ENTPD6: variants seen among roughly 807,000 people sequenced by gnomAD.
The protein encoded by ENTPD6 is CD39 antigen-like 2.
ENTPD6 carries 46 observed loss-of-function variants against 61.5 expected under a neutral mutation model. The ratio of observed to expected loss-of-function variants is 0.75; its 90% CI spans 0.59 to 0.96. The LOEUF is 0.96. Ranked by LOEUF, ENTPD6 falls within the 40% of genes least tolerant of loss-of-function variation. ENTPD6 has a pLI of 0.00. For synonymous variants in ENTPD6, 252 were observed against 255.5 expected (o/e 0.99, Z 0.13); for missense variants, 612 against 629.0 (o/e 0.97, Z 0.29).
chr20:25,216,923 G>A (rs1212567949), intron 8 of ENTPD6, among the ~76,000 whole-genome samples, 187 bp downstream of exon 8: 2 of 152,170 alleles, frequency 1.3e-5, no homozygotes, highest in African/African-American at 2.4e-5. Context: ...TTCTGGCTTG[G>A]AGTTTTAATT....
chr20:25,197,374 T>G, intron 1 of ENTPD6: 1 of 373,184 alleles, frequency 2.7e-6, no homozygotes, highest in Non-Finnish European at 3.7e-6. Context: ...CCTCTCTGTT[T>G]GCCTGTGTGC....
At chr20:25,220,771 C>T (rs1358720026) in intron 10 of ENTPD6, among the ~76,000 whole-genome samples, 2 of 152,270 alleles carry the variant, frequency 1.3e-5, no homozygotes, top group Non-Finnish European at 2.9e-5. Context: ...GGGGCCAGCC[C>T]TGGGACCAAT....
chr20:25,209,874 C>T lies in ENTPD6; in HGVS notation c.402C>T (p.Thr134=), dbSNP rs112981620. ...AAACTCCCACGTTAACCCACGAAAC[C>T]TTCAAAGCACTGAAGCCAGGTCTTT... ...PRETPTLTHE[T]FKALKPGLSA... Residue 134 remains threonine (T), a synonymous_variant, in exon 4 of 15, where the codon ACC becomes ACT. Coordinates refer to ENST00000376652, the MANE Select transcript of ENTPD6 (RefSeq NM_001247.5). 5.6e-6 allele frequency: 9 copies of T among 1,614,188 alleles called. No homozygotes were observed. In the African/African-American group the frequency reaches 6.7e-5, roughly 12 times the overall value.
chr20:25,201,802 A>G (rs2091052032), intron 1 of ENTPD6, among the ~76,000 whole-genome samples: 1 of 152,162 alleles, frequency 6.6e-6, no homozygotes, highest in Non-Finnish European at 1.5e-5. Flanking sequence ...TGCAGCCTTG[A>G]ACTCCAAGGC....
chr20:25,217,603 T>A (rs955100938), intron 9 of ENTPD6, 22 bp downstream of exon 9: 1 of 1,610,132 alleles, frequency 6.2e-7, no homozygotes, highest in African/African-American at 1.3e-5. Flanking sequence ...GGAACAGGCG[T>A]GGGGAGGCGC....
At position 25,226,992 on chromosome 20, in the gene ENTPD6, C is replaced by T. The variant is rs958983861; in HGVS notation, c.*1395C>T. On this transcript the variant is annotated 3_prime_UTR_variant, in exon 15 of 15. Transcript: ENST00000376652. ...ACAGCACGGCCAGGTGAGGCCTGGG[C>T]ACATAACCTCGAGTGAGCTGCAAGT... is the stretch of plus-strand genomic sequence containing the variant. Among the ~76,000 whole-genome samples the T allele has an allele frequency of 6.6e-6, 1 of 152,248 alleles. No homozygotes were observed. The highest frequency in any genetic ancestry group is 1.5e-5 in the Non-Finnish European group (1 of 68,040).
chr20:25,210,262 G>T (rs893271152), intron 4 of ENTPD6, among the ~76,000 whole-genome samples: 1 of 152,106 alleles, frequency 6.6e-6, no homozygotes, highest in African/African-American at 2.4e-5. Context: ...AAATTTTTAC[G>T]CTAATTTAGT....
intron 7 of ENTPD6, 70 bp downstream of exon 7, chr20:25,215,781 G>T (rs534328527): frequency 1.4e-6 from 2 of 1,460,942 alleles, no homozygotes; most frequent in South Asian, 2.3e-5. Flanking sequence ...TGGGCCTTTC[G>T]AGAGCAGGAG....
intron 1 of ENTPD6, among the ~76,000 whole-genome samples, chr20:25,197,893 G>A (rs1289405147): frequency 6.6e-6 from 1 of 152,120 alleles, no homozygotes; most frequent in Non-Finnish European, 1.5e-5. Flanking sequence ...GATAAAGCAC[G>A]TTCAATTTGG....
At chr20:25,204,540 A>G (rs1282519741) in intron 1 of ENTPD6, among the ~76,000 whole-genome samples, 1 of 151,886 alleles carries the variant, frequency 6.6e-6, no homozygotes, top group Non-Finnish European at 1.5e-5. Context: ...CAGATGTTCT[A>G]CTGTATTTCT....
chr20:25,216,905 G>A (rs2092349971), intron 8 of ENTPD6, among the ~76,000 whole-genome samples, 169 bp downstream of exon 8: 1 of 152,230 alleles, frequency 6.6e-6, no homozygotes, highest in South Asian at 2.1e-4. Flanking sequence ...CTCACTCACA[G>A]ATGATGCTTC....
chr20:25,203,104 C>G (rs141076616), intron 1 of ENTPD6, among the ~76,000 whole-genome samples: 2 of 152,226 alleles, frequency 1.3e-5, no homozygotes, highest in East Asian at 3.9e-4. Context: ...GGGTATCTTC[C>G]CACTGCCTCT....
At position 25,222,830 on chromosome 20, in the gene ENTPD6, G is replaced by A. The variant is rs201264035; in HGVS notation, c.1046-8G>A. On this transcript the variant is annotated splice_polypyrimidine_tract_variant and splice_region_variant and intron_variant, in intron 11 of 14. Transcript: ENST00000376652. ...CCCACTGACCGCTAGCCTTGTGCTTGTCCCCAGCGGCAAGCCTGCACGAGC... is the reference window on the plus strand; with the variant it reads ...CCCACTGACCGCTAGCCTTGTGCTTATCCCCAGCGGCAAGCCTGCACGAGC... The A allele has an allele frequency of 4.3e-6, 7 of 1,613,428 alleles. No homozygotes were observed. In the East Asian group the frequency reaches 1.6e-4, roughly 36 times the overall value.
At position 25,207,213 on chromosome 20, in the gene ENTPD6, G is replaced by A. The variant is rs1045210152; in HGVS notation, c.192G>A (p.Arg64=). The A allele has an allele frequency of 1.2e-6, 2 of 1,613,992 alleles. No individual in the cohort carries two copies. The highest frequency in any genetic ancestry group is 2.7e-5 in the African/African-American group (2 of 74,918). Residue 64 remains arginine (R), a synonymous_variant, in exon 3 of 15, where the codon CGG becomes CGA. Coordinates refer to ENST00000376652, the MANE Select transcript of ENTPD6 (RefSeq NM_001247.5). ...ATGTTGCCTACATCAAGTGGCACCGGGCCACCGCCACCCAGGCCTTCTTCA... is the reference window on the plus strand; with the variant it reads ...ATGTTGCCTACATCAAGTGGCACCGAGCCACCGCCACCCAGGCCTTCTTCA... ...FIYVAYIKWH[R]ATATQAFFSI...
At position 25,216,748 on chromosome 20, in the gene ENTPD6, T is replaced by A. The variant is rs2092337768; in HGVS notation, c.798+12T>A. The A allele has an allele frequency of 6.7e-7, 1 of 1,496,038 alleles. No homozygotes were observed. The highest frequency in any genetic ancestry group is 1.4e-5 in the African/African-American group (1 of 71,244). 92.7% of individuals were successfully genotyped at this position (1,496,038 alleles called of 1,614,324 possible). A position where few individuals can be genotyped will look rare whatever the true frequency, so the allele number is the denominator to read the frequency against. ...TGCCACGCGTGGAGGTAACAAGCCC[T>A]GCCGACCACAGCGCTCTTTCCACCC... On this transcript the variant is annotated intron_variant, in intron 8 of 14. Transcript: ENST00000376652.
At chr20:25,205,812 G>T (rs1365501274) in intron 1 of ENTPD6, among the ~76,000 whole-genome samples, 3 of 152,204 alleles carry the variant, frequency 2.0e-5, no homozygotes, top group Non-Finnish European at 4.4e-5. Context: ...AGGATATCCA[G>T]CTGTGGCCAC....
intron 11 of ENTPD6, chr20:25,221,851 C>T (rs540719746): frequency 2.3e-5 from 5 of 213,282 alleles, no homozygotes; most frequent in South Asian, 1.5e-4. Flanking sequence ...CTTCGCGAAC[C>T]GTTCAGGTCC....
At position 25,207,292 on chromosome 20, in the gene ENTPD6, C is replaced by G. The variant is rs774025988; in HGVS notation, c.271C>G (p.Leu91Val). The G allele has an allele frequency of 4.3e-6, 7 of 1,609,270 alleles. No individual in the cohort carries two copies. The South Asian group carries it at 7.7e-5, about 18-fold the overall frequency. Residue 91 changes from leucine (L) to valine (V), a missense_variant, in exon 3 of 15, where the codon CTG (leucine) becomes GTG (valine). Leu to Val is a conservative substitution (Grantham distance 32, BLOSUM62 1). Coordinates refer to ENST00000376652, the MANE Select transcript of ENTPD6 (RefSeq NM_001247.5). Reference sequence around the variant, plus strand: ...GTGGGGTCAGCAGGCCCACAGCCCCCTGGGGACAGCTGCAGACGGGCACGA... The same window carrying G: ...GTGGGGTCAGCAGGCCCACAGCCCCGTGGGGACAGCTGCAGACGGGCACGA... Reference protein sequence around the residue: ...ARWGQQAHSPLGTAADGHEVF... With the variant: ...ARWGQQAHSPVGTAADGHEVF...
At chr20:25,213,840 C>T (rs950297129) in intron 5 of ENTPD6, among the ~76,000 whole-genome samples, 2 of 152,198 alleles carry the variant, frequency 1.3e-5, no homozygotes, top group African/African-American at 2.4e-5. Flanking sequence ...ATCCCAGTTA[C>T]TTAGGAAGCT....
Sources: gnomAD v4.1 joint callset for allele counts (sites outside exome capture counted in the v4.1 genomes callset) on GRCh38, gnomAD v4.1.1 for gene constraint, MANE v1.5 for transcripts, NCBI Gene and HGNC (gene_info 2026-07-23, HGNC 2026-07-21) for gene names.